The following CDKAL1 variants were observed in gnomAD, a reference collection of about 807,000 sequenced individuals.
CDKAL1 encodes threonylcarbamoyladenosine tRNA methylthiotransferase.
In CDKAL1, 32 loss-of-function variants were observed where a neutral mutation model predicts 68.2. The observed-to-expected ratio is 0.47, with a 90% confidence interval of 0.35 to 0.63. CDKAL1 has a LOEUF of 0.63. Ranked by LOEUF, CDKAL1 falls within the 30% of genes least tolerant of loss-of-function variation. The pLI is 0.00. For synonymous variants in CDKAL1, 234 were observed against 244.3 expected (o/e 0.96, Z 0.39); for missense variants, 606 against 696.7 (o/e 0.87, Z 1.47).
intron 9 of CDKAL1, among the ~76,000 whole-genome samples, chr6:20,901,239 C>CT (rs1319462539): frequency 1.3e-5 from 2 of 152,090 alleles, no homozygotes; most frequent in Non-Finnish European, 2.9e-5. Flanking sequence ...TTTGCAGAGT[C>CT]TGTTTTTTTC....
chr6:20,672,262 CTTTT>C (rs762268725), intron 5 of CDKAL1, among the ~76,000 whole-genome samples: 1 of 82,876 alleles, frequency 1.2e-5, no homozygotes, highest in Non-Finnish European at 2.6e-5. Flanking sequence ...TTCTTTCTTT[CTTTT>C]TCTTTTTCTT....
At chr6:21,213,343 A>C (rs62404549) in intron 15 of CDKAL1, among the ~76,000 whole-genome samples, 22,008 of 152,170 alleles carry the variant, frequency 0.14, 1,891 homozygotes, top group Non-Finnish European at 0.18. Flanking sequence ...GTGATAGTGA[A>C]GATTTACTTG....
chr6:21,183,632 T>C (rs773088680), intron 13 of CDKAL1, among the ~76,000 whole-genome samples: 7 of 152,214 alleles, frequency 4.6e-5, no homozygotes, highest in Non-Finnish European at 1.0e-4. Context: ...TGTCTTCTTA[T>C]AATAAATGGA....
chr6:20,905,518 G>A (rs572492243), intron 9 of CDKAL1, among the ~76,000 whole-genome samples: 1 of 152,288 alleles, frequency 6.6e-6, no homozygotes, highest in African/African-American at 2.4e-5. Context: ...GGGGCAATGA[G>A]AATATTTGAA....
In CDKAL1 at chr6:21,216,081, G is replaced by A. The variant is rs574647964; in HGVS notation, c.1549-14767G>A. 2.0e-5 allele frequency among the ~76,000 whole-genome samples: 3 copies of A among 152,280 alleles called. No homozygotes were observed. The South Asian group carries it at 6.2e-4, about 32-fold the overall frequency. On this transcript the variant is annotated intron_variant, in intron 15 of 15. Transcript: ENST00000274695. ...AGCCTAGGGATGCAAGCTAGAAAAGGCAAGGCAATGGATTCTCCCCTACAG... is the reference window on the plus strand; with the variant it reads ...AGCCTAGGGATGCAAGCTAGAAAAGACAAGGCAATGGATTCTCCCCTACAG...
At chr6:21,160,995 GA>G (rs57251603) in intron 13 of CDKAL1, among the ~76,000 whole-genome samples, 37,681 of 151,276 alleles carry the variant, frequency 0.25, 5,053 homozygotes, top group African/African-American at 0.32. Flanking sequence ...TGCAAATTAA[GA>G]AAAAAAATAG....
intron 6 of CDKAL1, among the ~76,000 whole-genome samples, chr6:20,753,698 T>TC (rs1774033576): frequency 6.6e-6 from 1 of 152,238 alleles, no homozygotes; most frequent in Non-Finnish European, 1.5e-5. Flanking sequence ...AATGGATACT[T>TC]CCGTTCCCAG....
At chr6:21,156,935 G>A (rs539881038) in intron 13 of CDKAL1, among the ~76,000 whole-genome samples, 1 of 152,192 alleles carries the variant, frequency 6.6e-6, no homozygotes, top group African/African-American at 2.4e-5. Context: ...TCTGCTCTCT[G>A]CCTAGGCTGG....
At chr6:20,714,507 G>T (rs1164155746) in intron 5 of CDKAL1, among the ~76,000 whole-genome samples, 1 of 146,422 alleles carries the variant, frequency 6.8e-6, no homozygotes, top group African/African-American at 2.5e-5. Flanking sequence ...TCCCACTTCA[G>T]CCTCCCAAGT....
intron 9 of CDKAL1, among the ~76,000 whole-genome samples, chr6:20,936,583 C>T (rs1209732747): frequency 6.6e-6 from 1 of 151,946 alleles, no homozygotes; most frequent in African/African-American, 2.4e-5. Flanking sequence ...TGGGGAACTT[C>T]ACATGGGGCT....
chr6:20,820,963 G>A (rs1464662227), intron 8 of CDKAL1, among the ~76,000 whole-genome samples: 1 of 151,944 alleles, frequency 6.6e-6, no homozygotes, highest in Non-Finnish European at 1.5e-5. Context: ...AGAACTTTTA[G>A]GGGTGGCCTT....
chr6:20,583,792 C>CG (rs1357079097), intron 4 of CDKAL1, among the ~76,000 whole-genome samples: 1 of 150,530 alleles, frequency 6.6e-6, no homozygotes, highest in African/African-American at 2.4e-5. Context: ...GCGCCCCCCC[C>CG]CACTAGTTTC....
At chr6:21,047,068 C>T (rs1770277738) in intron 11 of CDKAL1, among the ~76,000 whole-genome samples, 1 of 151,332 alleles carries the variant, frequency 6.6e-6, no homozygotes, top group South Asian at 2.1e-4. Flanking sequence ...GAGCTTGAAA[C>T]AATTCTTAGT....
chr6:20,670,290 T>C lies in CDKAL1; in HGVS notation c.371+20913T>C, dbSNP rs190032253. Among the ~76,000 whole-genome samples the C allele has an allele frequency of 1.9e-4, 29 of 152,350 alleles. No homozygotes were observed. The East Asian group carries it at 5.2e-3, about 27-fold the overall frequency. On this transcript the variant is annotated intron_variant, in intron 5 of 15. Transcript: ENST00000274695. ...ATCAAATTCTGTTTTTAATTTGTAA[T>C]ACAATTAGATTAATTTGTTACCACT...
chr6:20,535,616 C>G (rs942503338), intron 2 of CDKAL1, among the ~76,000 whole-genome samples: 1 of 152,084 alleles, frequency 6.6e-6, no homozygotes, highest in Non-Finnish European at 1.5e-5. Context: ...TTGAGATGCC[C>G]TTTTCATTTG....
chr6:21,083,757 A>G (rs915482086), intron 12 of CDKAL1, among the ~76,000 whole-genome samples: 2 of 152,170 alleles, frequency 1.3e-5, no homozygotes, highest in African/African-American at 4.8e-5. Flanking sequence ...CCTTGAATCT[A>G]TACAGTTCCT....
intron 9 of CDKAL1, among the ~76,000 whole-genome samples, chr6:20,915,138 T>C (rs1581821666): frequency 6.6e-6 from 1 of 151,568 alleles, no homozygotes; most frequent in African/African-American, 2.4e-5. Flanking sequence ...TTGGTTTATA[T>C]GTTAAAATCA....
intron 11 of CDKAL1, among the ~76,000 whole-genome samples, chr6:21,047,274 T>G (rs976396511): frequency 1.3e-5 from 2 of 152,122 alleles, no homozygotes; most frequent in Non-Finnish European, 2.9e-5. Context: ...GGAGAAAGGC[T>G]AGGCAGATGC....
In CDKAL1 at chr6:20,672,192, C is replaced by T. The variant is rs575690033; in HGVS notation, c.371+22815C>T. ...TCCCTCTCTTTCTCTTTCTCTCTCT[C>T]TCTTTCTTTCCTTCCTTTCTTTCTT... On this transcript the variant is annotated intron_variant, in intron 5 of 15. Transcript: ENST00000274695. 4.0e-5 allele frequency among the ~76,000 whole-genome samples: 6 copies of T among 151,104 alleles called. 1 individual carries two copies. The South Asian group carries it at 1.1e-3, about 27-fold the overall frequency.
Sources: gnomAD v4.1 joint callset for allele counts (sites outside exome capture counted in the v4.1 genomes callset) on GRCh38, gnomAD v4.1.1 for gene constraint, MANE v1.5 for transcripts, NCBI Gene and HGNC (gene_info 2026-07-23, HGNC 2026-07-21) for gene names.